The following EPG5 variants were observed in gnomAD, a reference collection of about 807,000 sequenced individuals.
The protein encoded by EPG5 is ectopic P granules protein 5 homolog.
Under a neutral mutation model 302.7 loss-of-function variants are expected in EPG5, and 159 were observed. The observed-to-expected ratio is 0.53, with a 90% CI of 0.46 to 0.60. The LOEUF (loss-of-function observed/expected upper bound fraction) is 0.60, where lower values mean the gene tolerates loss of function less well. Ranked by LOEUF, EPG5 falls within the 20% of genes least tolerant of loss-of-function variation. The probability of loss-of-function intolerance (pLI) is 0.00; values close to 1 mark genes in which losing one functional copy is unlikely to be tolerated. For missense variants in EPG5, 2,896 were observed against 3,092.4 expected (o/e 0.94, Z 1.51); for synonymous variants, 1,158 against 1,136.8 (o/e 1.02, Z -0.37).
chr18:45,873,463 T>A (rs902186023), intron 35 of EPG5, among the ~76,000 whole-genome samples: 7 of 150,232 alleles, frequency 4.7e-5, no homozygotes, highest in Admixed American at 3.3e-4. Flanking sequence ...TGAGCCAAGA[T>A]CCTGCCACTG....
the EPG5 span, among the ~76,000 whole-genome samples, chr18:45,826,899 A>G: frequency 5.9e-5 from 9 of 152,170 alleles, no homozygotes; most frequent in Non-Finnish European, 1.3e-4. Flanking sequence ...ACCCTATGAG[A>G]AAGGAACTCT....
intron 36 of EPG5, among the ~76,000 whole-genome samples, 175 bp downstream of exon 36, chr18:45,870,392 C>T (rs1477214619): frequency 2.6e-5 from 4 of 152,042 alleles, no homozygotes; most frequent in East Asian, 1.9e-4. Context: ...TGTTTTAACA[C>T]GATAAAATGA....
At chr18:45,876,847 G>A (rs1382405584) in intron 34 of EPG5, among the ~76,000 whole-genome samples, 3 of 151,812 alleles carry the variant, frequency 2.0e-5, no homozygotes, top group Non-Finnish European at 2.9e-5. Flanking sequence ...GTAGTGGCAC[G>A]ATCTTGGCTC....
intron 35 of EPG5, among the ~76,000 whole-genome samples, chr18:45,873,062 T>A (rs2048904200): frequency 6.6e-6 from 1 of 152,222 alleles, no homozygotes; most frequent in Non-Finnish European, 1.5e-5. Flanking sequence ...AAAGCTGCAA[T>A]ACTTCTTCAT....
chr18:45,835,575 A>G, the EPG5 span, among the ~76,000 whole-genome samples: 1 of 151,686 alleles, frequency 6.6e-6, no homozygotes, highest in Non-Finnish European at 1.5e-5. Flanking sequence ...GAGGTCAGTC[A>G]CTCTCCCACT....
intron 27 of EPG5, among the ~76,000 whole-genome samples, chr18:45,893,745 C>T (rs1012299784): frequency 1.3e-5 from 2 of 151,982 alleles, no homozygotes; most frequent in African/African-American, 4.8e-5. Context: ...ATACAGTAAG[C>T]AGTGTATAGT....
At chr18:45,867,801 T>C in intron 36 of EPG5, 53 bp from the exon 37 acceptor site, 1 of 1,450,058 alleles carries the variant, frequency 6.9e-7, no homozygotes, top group Non-Finnish European at 9.5e-7. Flanking sequence ...TCTATGTATC[T>C]GGAAAATGTA....
chr18:45,830,063 C>T, the EPG5 span, among the ~76,000 whole-genome samples: 2 of 152,076 alleles, frequency 1.3e-5, no homozygotes. Context: ...ACCCGTGCTC[C>T]GCCATGAAAC....
the EPG5 span, among the ~76,000 whole-genome samples, chr18:45,830,496 G>C: frequency 6.6e-6 from 1 of 151,972 alleles, no homozygotes; most frequent in African/African-American, 2.4e-5. Context: ...CGCTATGAAA[G>C]ACCATCAAGG....
At chr18:45,828,560 T>C in the EPG5 span, among the ~76,000 whole-genome samples, 1 of 152,184 alleles carries the variant, frequency 6.6e-6, no homozygotes, top group Non-Finnish European at 1.5e-5. Context: ...CCACAACCAC[T>C]GTCATCTTCA....
Position 45,928,996 on chromosome 18 carries a change from G to A in EPG5, c.2426C>T (p.Thr809Ile), listed in dbSNP as rs181383334. The A allele has an allele frequency of 1.3e-4, 210 of 1,613,826 alleles. 1 individual carries two copies. The African/African-American group carries it at 2.5e-3, about 19-fold the overall frequency. ...TGAAAAAGTCTCTCTGGTAGACAAG[G>A]TGACATAAGATACCTAAATGGGGGG... is the stretch of plus-strand genomic sequence containing the variant. ...VLEIYEVSYV[T>I]LSTRETFSKV... is the part of the protein sequence containing the mutation. Residue 809 changes from threonine to isoleucine, a missense_variant, in exon 13 of 44, where the codon ACC becomes ATC. Thr to Ile is a moderately conservative substitution (Grantham distance 89). Coordinates refer to ENST00000282041, the MANE Select transcript of EPG5 (RefSeq NM_020964.3).
At chr18:45,889,071 C>G (rs1370406609) in intron 28 of EPG5, among the ~76,000 whole-genome samples, 1 of 152,136 alleles carries the variant, frequency 6.6e-6, no homozygotes, top group Non-Finnish European at 1.5e-5. Flanking sequence ...GCCTGGTCTC[C>G]TCCTTCCCAG....
chr18:45,926,321 G>T (rs984970027), intron 13 of EPG5, among the ~76,000 whole-genome samples: 3 of 152,122 alleles, frequency 2.0e-5, no homozygotes, highest in Non-Finnish European at 4.4e-5. Flanking sequence ...GCCGGGGGTG[G>T]GGTGAGTGGG....
At chr18:45,914,171 T>C (rs762397426) in intron 20 of EPG5, among the ~76,000 whole-genome samples, 2 of 151,980 alleles carry the variant, frequency 1.3e-5, no homozygotes, top group Non-Finnish European at 2.9e-5. Flanking sequence ...TCTACTGGAG[T>C]AGACAAGACT....
At position 45,943,230 on chromosome 18, in the gene EPG5, G is replaced by A; in HGVS notation, c.1874C>T (p.Ala625Val). 4 of 1,614,094 alleles carry A rather than the reference G, an allele frequency of 2.5e-6. No homozygotes were observed. Among genetic ancestry groups the A allele is most frequent in the Middle Eastern group, 1.6e-4 (1 of 6,062 alleles). The change falls in exon 9 of 44, where the codon GCT becomes GTT. Residue 625 changes from alanine (A) to valine (V), a missense_variant. Ala to Val is a moderately conservative substitution (Grantham distance 64). This residue lies in a region of EPG5 where 1,390 missense variants were observed against 1,430.0 expected (regional missense o/e 0.97). Transcript: ENST00000282041. ...TCTATTAAAGGTTTCTAACCCCACA[G>A]CCAGAAGTTCCACTAGTGAGTTGGC... The part of the protein sequence containing the change: ...AFANSLVELL[A>V]VGLETFNRAR...
At chr18:45,923,647 T>TC (rs1303702090) in intron 14 of EPG5, among the ~76,000 whole-genome samples, 4 of 152,134 alleles carry the variant, frequency 2.6e-5, no homozygotes, top group Admixed American at 6.5e-5. Flanking sequence ...TTGAATGTCA[T>TC]CCCCCATTCC....
intron 14 of EPG5, among the ~76,000 whole-genome samples, chr18:45,924,663 T>C (rs2050232072): frequency 6.6e-6 from 1 of 152,272 alleles, no homozygotes; most frequent in Non-Finnish European, 1.5e-5. Context: ...TCTGAAGATA[T>C]ATGCTACATA....
chr18:45,960,884 C>T (rs1284414371), intron 1 of EPG5, among the ~76,000 whole-genome samples: 1 of 152,116 alleles, frequency 6.6e-6, no homozygotes, highest in Non-Finnish European at 1.5e-5. Flanking sequence ...TTGAAAAAAA[C>T]ATGTAAAGAT....
the EPG5 span, among the ~76,000 whole-genome samples, chr18:45,809,538 G>A: frequency 1.3e-5 from 2 of 152,112 alleles, no homozygotes; most frequent in African/African-American, 4.8e-5. Flanking sequence ...GACCACAGTG[G>A]AATAAAACTG....
Sources: allele counts gnomAD v4.1 joint callset (sites outside exome capture counted in the v4.1 genomes callset), GRCh38; gene constraint gnomAD v4.1.1; regional missense constraint gnomAD v4.1.1; transcripts MANE v1.5; gene names NCBI Gene and HGNC (gene_info 2026-07-23, HGNC 2026-07-21).